Variants in TMEM106A observed in about 807,000 individuals in gnomAD.
TMEM106A encodes the protein transmembrane protein 106A.
In TMEM106A, 22 loss-of-function variants were observed where a neutral mutation model predicts 25.1. The observed-to-expected ratio is 0.88, with a 90% confidence interval of 0.63 to 1.25. The LOEUF is 1.25. TMEM106A is among the 50% of genes most tolerant of loss of function. The probability of loss-of-function intolerance (pLI) is 0.00; values close to 1 mark genes in which losing one functional copy is unlikely to be tolerated. For missense variants in TMEM106A, 275 were observed against 318.1 expected (o/e 0.86, Z 1.03); for synonymous variants, 104 against 129.9 (o/e 0.80, Z 1.35).
chr17:43,215,168 G>A (rs1251683987), intron 4 of TMEM106A, among the ~76,000 whole-genome samples: 2 of 151,092 alleles, frequency 1.3e-5, no homozygotes, highest in East Asian at 2.0e-4. Context: ...GCGTGAACCC[G>A]GGAGGTGGAG....
chr17:43,214,206 GAAAAAAA>G (rs1169930576), intron 4 of TMEM106A, among the ~76,000 whole-genome samples: 36,070 of 125,080 alleles, frequency 0.29, 4,875 homozygotes, highest in South Asian at 0.46. Flanking sequence ...AAAAAAAAAA[GAAAAAAA>G]AAAAGAAAAG....
At position 43,217,715 on chromosome 17, in the gene TMEM106A, G is replaced by C. The variant is rs1478396805; in HGVS notation, c.703G>C (p.Glu235Gln). Residue 235 changes from glutamate (E) to glutamine (Q), a missense_variant, in exon 9 of 9, where the codon GAG (glutamate) becomes CAG (glutamine). Coordinates refer to ENST00000612339, the MANE Select transcript of TMEM106A (RefSeq NM_145041.4). Reference protein sequence around the residue: ...TLTCSYLSHSEQLVFQSYEYV... With the variant: ...TLTCSYLSHSQQLVFQSYEYV... ...GACCTGTTCATACCTGAGCCATTCA[G>C]AGCAGCTGGTCTTTCAGAGCTATGA... The C allele has an allele frequency of 6.2e-7, 1 of 1,614,190 alleles. No homozygotes were observed. The highest frequency in any genetic ancestry group is 1.3e-5 in the African/African-American group (1 of 75,042).
At chr17:43,214,589 A>G (rs779304496) in intron 4 of TMEM106A, among the ~76,000 whole-genome samples, 15 of 151,944 alleles carry the variant, frequency 9.9e-5, no homozygotes, top group Non-Finnish European at 1.6e-4. Flanking sequence ...AGCTCCCTCA[A>G]CCTCCTCCCA....
chr17:43,214,692 T>C (rs1459908896), intron 4 of TMEM106A, among the ~76,000 whole-genome samples: 2 of 151,692 alleles, frequency 1.3e-5, no homozygotes, highest in Non-Finnish European at 2.9e-5. Flanking sequence ...GGCGTGGTGG[T>C]TTATGCCTGT....
At chr17:43,213,323 C>A in intron 3 of TMEM106A, 71 bp downstream of exon 3, 1 of 1,526,748 alleles carries the variant, frequency 6.5e-7, no homozygotes, top group Non-Finnish European at 9.0e-7. Context: ...CCTGGGGCAG[C>A]CCCTCTGAGT....
At chr17:43,213,313 C>G in intron 3 of TMEM106A, 61 bp downstream of exon 3, 1 of 1,570,368 alleles carries the variant, frequency 6.4e-7, no homozygotes, top group Non-Finnish European at 8.7e-7. Context: ...AGCCTGTTGG[C>G]CTGGGGCAGC....
chr17:43,212,091 C>T (rs2040687582), intron 1 of TMEM106A, 136 bp from the exon 2 acceptor site: 1 of 152,328 alleles, frequency 6.6e-6, no homozygotes, highest in South Asian at 2.1e-4. Flanking sequence ...TTAATGAAGT[C>T]ACACCTTCTC....
intron 2 of TMEM106A, among the ~76,000 whole-genome samples, chr17:43,212,625 G>C (rs1208633136): frequency 6.6e-6 from 1 of 152,116 alleles, no homozygotes; most frequent in African/African-American, 2.4e-5. Context: ...GACCAGTCTG[G>C]CCTCCTCTCT....
intron 3 of TMEM106A, 148 bp downstream of exon 3, chr17:43,213,400 A>G: frequency 1.2e-6 from 1 of 818,846 alleles, no homozygotes; most frequent in Non-Finnish European, 1.9e-6. Flanking sequence ...CCAGGGAGAT[A>G]CTTAACTATC....
rs761935579 is a variant in TMEM106A at position 43,213,894 on chromosome 17, A to G, written c.275+3A>G. The G allele has an allele frequency of 1.2e-6, 2 of 1,614,116 alleles. No individual in the cohort carries two copies. The highest frequency in any genetic ancestry group is 2.2e-5 in the South Asian group (2 of 91,080). The stretch of plus-strand genomic sequence containing the variant: ...CAGAGGCTGAAGCCCAAGCACACGT[A>G]AGCCCCCCTTCCTCCCCTAGCTTCA... On this transcript the variant is annotated splice_donor_region_variant and intron_variant, in intron 4 of 8. Transcript: ENST00000612339.
At chr17:43,213,679 C>T in intron 3 of TMEM106A, 149 bp from the exon 4 acceptor site, 1 of 735,426 alleles carries the variant, frequency 1.4e-6, no homozygotes, top group Non-Finnish European at 2.2e-6. Flanking sequence ...TAGCAGAGTC[C>T]AGTGCTTCCA....
In TMEM106A at chr17:43,218,732, G is replaced by A. The variant is rs1169188708; in HGVS notation, c.*931G>A. The A allele has an allele frequency of 1.3e-5, 2 of 152,190 alleles. No homozygotes were observed. Among genetic ancestry groups the A allele is most frequent in the Non-Finnish European group, 2.9e-5 (2 of 68,036 alleles). 9.4% of individuals were successfully genotyped at this position (152,190 alleles called of 1,614,324 possible). On this transcript the variant is annotated 3_prime_UTR_variant, in exon 9 of 9. Coordinates refer to ENST00000612339, the MANE Select transcript of TMEM106A (RefSeq NM_145041.4). The stretch of plus-strand genomic sequence containing the variant: ...GGGGATATCCAGTGCCATCTCCAAG[G>A]ACTTTCAGGGGATCATAGATGCTTT...
At chr17:43,212,629 CCTCT>C (rs374029894) in intron 2 of TMEM106A, among the ~76,000 whole-genome samples, 5 of 152,286 alleles carry the variant, frequency 3.3e-5, no homozygotes, top group African/African-American at 1.2e-4. Flanking sequence ...AGTCTGGCCT[CCTCT>C]CTCCTTGATT....
chr17:43,219,916 G>A lies in TMEM106A; in HGVS notation c.*2115G>A, dbSNP rs2057522625. The A allele has an allele frequency of 2.6e-5, 4 of 152,346 alleles. No homozygotes were observed. Among genetic ancestry groups the A allele is most frequent in the Admixed American group, 2.6e-4 (4 of 15,258 alleles). 9.4% of individuals were successfully genotyped at this position (152,346 alleles called of 1,614,324 possible). A position where few individuals can be genotyped will look rare whatever the true frequency, so the allele number is the denominator to read the frequency against. On this transcript the variant is annotated 3_prime_UTR_variant, in exon 9 of 9. Coordinates refer to ENST00000612339, the MANE Select transcript of TMEM106A (RefSeq NM_145041.4). ...AGGAGACTGCTGTCTCCAAGCTGAG[G>A]TCAGGGTGGTGTTGGCAAGAGCGCA...
Position 43,217,299 on chromosome 17 carries a change from C to CT in TMEM106A, c.659dup (p.Leu220PhefsTer24), listed in dbSNP as rs760850406. 1 of 1,614,240 alleles carries CT rather than the reference C, an allele frequency of 6.2e-7. No homozygotes were observed. Among genetic ancestry groups the CT allele is most frequent in the South Asian group, 1.1e-5 (1 of 91,090 alleles). ...GCTGGAAATCAAAGTCCACCATGTG[C>CT]TTTTGCACATCCAGTAAGTAGAGCT... On this transcript the variant is annotated frameshift_variant, in exon 8 of 9. Transcript: ENST00000612339. LOFTEE classifies it high-confidence loss of function.
rs777826324 is a variant in TMEM106A, at chr17:43,213,046, G to A, written c.5G>A (p.Gly2Asp). 8 of 1,614,098 alleles carry A rather than the reference G, an allele frequency of 5.0e-6. No individual in the cohort carries two copies. Among genetic ancestry groups the A allele is most frequent in the Non-Finnish European group, 6.8e-6 (8 of 1,180,054 alleles). ...TGAAACCCCCGCCCCTGAAGAATGG[G>A]TAAGACGTTTTCCCAGCTGGGCTCT... is the stretch of plus-strand genomic sequence containing the variant. M[G>D]KTFSQLGSWR... The change falls in exon 3 of 9, where the codon GGT becomes GAT. Residue 2 changes from glycine to aspartate, a missense_variant. Physicochemically the swap from Gly to Asp is moderately conservative, Grantham distance 94. Coordinates refer to ENST00000612339, the MANE Select transcript of TMEM106A (RefSeq NM_145041.4).
chr17:43,213,026 C>T lies in TMEM106A; in HGVS notation c.-16C>T, dbSNP rs1412912260. ...CTTTGGTCTTTTCTCATTAGTGAAA[C>T]CCCCGCCCCTGAAGAATGGGTAAGA... On this transcript the variant is annotated 5_prime_UTR_variant, in exon 3 of 9. Transcript: ENST00000612339. The T allele has an allele frequency of 6.2e-7, 1 of 1,613,154 alleles. No individual in the cohort carries two copies. Among genetic ancestry groups the T allele is most frequent in the Non-Finnish European group, 8.5e-7 (1 of 1,179,654 alleles).
In TMEM106A at chr17:43,217,740, A is replaced by T. The variant is rs1371843963; in HGVS notation, c.728A>T (p.Glu243Val). 1.2e-6 allele frequency: 2 copies of T among 1,614,032 alleles called. No homozygotes were observed. Among genetic ancestry groups the T allele is most frequent in the African/African-American group, 2.7e-5 (2 of 74,902 alleles). ...HSEQLVFQSYEYVDCRGNASV... is the reference protein window; with the variant it reads ...HSEQLVFQSYVYVDCRGNASV... ...GAGCAGCTGGTCTTTCAGAGCTATGAATATGTGGACTGCCGAGGAAACGCA... is the reference window on the plus strand; with the variant it reads ...GAGCAGCTGGTCTTTCAGAGCTATGTATATGTGGACTGCCGAGGAAACGCA... Residue 243 changes from glutamate (E) to valine (V), a missense_variant, in exon 9 of 9, where the codon GAA becomes GTA. Physicochemically the swap from Glu to Val is moderately radical, Grantham distance 121. Coordinates refer to ENST00000612339, the MANE Select transcript of TMEM106A (RefSeq NM_145041.4).
rs1316133338 is a variant in TMEM106A, at chr17:43,219,059, T to C, written c.*1258T>C. ...AACAGAGCCAAAGACAGAATCATTG[T>C]ATAAGATATTTATTAAAGGAGAGCC... On this transcript the variant is annotated 3_prime_UTR_variant, in exon 9 of 9. Transcript: ENST00000612339. The C allele has an allele frequency of 1.3e-5, 2 of 152,226 alleles. No individual in the cohort carries two copies. The highest frequency in any genetic ancestry group is 4.8e-5 in the African/African-American group (2 of 41,456). 9.4% of individuals were successfully genotyped at this position (152,226 alleles called of 1,614,324 possible).
Sources: gnomAD v4.1 joint callset for allele counts (sites outside exome capture counted in the v4.1 genomes callset) on GRCh38, gnomAD v4.1.1 for gene constraint, MANE v1.5 for transcripts, NCBI Gene and HGNC (gene_info 2026-07-23, HGNC 2026-07-21) for gene names.